Variants in AFF2 observed in about 807,000 individuals in gnomAD.
AFF2 encodes ALF transcription elongation factor 2.
A neutral mutation model predicts 76.9 loss-of-function variants in AFF2; 14 were observed. The ratio of observed to expected loss-of-function variants is 0.18; its 90% CI spans 0.12 to 0.28. The LOEUF is 0.28. AFF2 is among the 10% of genes least tolerant of loss of function. The pLI is 1.00. For synonymous variants in AFF2, 398 were observed against 366.7 expected (o/e 1.09, Z -0.98); for missense variants, 868 against 1,001.1 (o/e 0.87, Z 1.79).
At chrX:148,714,344 T>A (rs1215798138) in intron 3 of AFF2, among the ~76,000 whole-genome samples, 8 of 112,036 alleles carry the variant, frequency 7.1e-5, no homozygotes, top group Non-Finnish European at 1.5e-4. Context: ...TACTCCCTAA[T>A]TAATTAAAAT....
intron 1 of AFF2, among the ~76,000 whole-genome samples, chrX:148,534,857 T>C (rs782010149): frequency 8.9e-6 from 1 of 112,203 alleles, no homozygotes; most frequent in Non-Finnish European, 1.9e-5. Flanking sequence ...TTTGTCCATG[T>C]AGTTTTGTTT....
chrX:148,981,498 C>T (rs1557290860), intron 19 of AFF2, among the ~76,000 whole-genome samples: 1 of 111,074 alleles, frequency 9.0e-6, no homozygotes, highest in Non-Finnish European at 1.9e-5. Flanking sequence ...AGGGGTTGGA[C>T]CCAATGCCCT....
At chrX:148,762,252 C>T (rs1462820391) in intron 3 of AFF2, among the ~76,000 whole-genome samples, 1 of 109,414 alleles carries the variant, frequency 9.1e-6, no homozygotes, top group Non-Finnish European at 1.9e-5. Context: ...TATGCCTTTG[C>T]ATCCTCGTAG....
At chrX:148,944,382 G>A (rs2071875249) in intron 9 of AFF2, among the ~76,000 whole-genome samples, 1 of 111,579 alleles carries the variant, frequency 9.0e-6, no homozygotes, top group Non-Finnish European at 1.9e-5. Context: ...GCCCTTTCTG[G>A]GTTTCTTGTG....
chrX:148,743,278 G>T (rs782000109), intron 3 of AFF2, among the ~76,000 whole-genome samples: 8 of 111,974 alleles, frequency 7.1e-5, no homozygotes, highest in Non-Finnish European at 1.5e-4. Context: ...TGTCAAGCAG[G>T]TATAATTCCA....
intron 8 of AFF2, among the ~76,000 whole-genome samples, chrX:148,892,221 A>C (rs2071231430): frequency 8.9e-6 from 1 of 111,902 alleles, no homozygotes; most frequent in African/African-American, 3.2e-5. Context: ...TAATTACTGG[A>C]GATGTATGGA....
chrX:148,684,286 A>G (rs1323778529), intron 3 of AFF2, among the ~76,000 whole-genome samples: 3 of 112,050 alleles, frequency 2.7e-5, no homozygotes, highest in African/African-American at 9.7e-5. Context: ...AGAGGCTTTC[A>G]AATTAGAAAT....
At position 148,996,736 on chromosome X, in the gene AFF2, T is replaced by C. The variant is rs1193909422; in HGVS notation, c.*5404T>C. 4.5e-5 allele frequency: 5 copies of C among 112,201 alleles called. No homozygotes were observed. The highest frequency in any genetic ancestry group is 1.3e-4 in the African/African-American group (4 of 30,842). The allele number at this position is 112,201 out of a possible 1,213,427, so 9.2% of individuals were successfully genotyped here. On this transcript the variant is annotated 3_prime_UTR_variant, in exon 21 of 21. Transcript: ENST00000370460. ...AGAATAGCTGAGAAGAATGAAGCCC[T>C]CCTGAGCTGAAAGGAGAGATGGATC... is the stretch of plus-strand genomic sequence containing the variant.
At chrX:148,906,423 C>T (rs1474829086) in intron 9 of AFF2, among the ~76,000 whole-genome samples, 3 of 111,494 alleles carry the variant, frequency 2.7e-5, no homozygotes, top group Admixed American at 9.5e-5. Context: ...TTTCCCAGGC[C>T]GACTAAGAAT....
intron 1 of AFF2, among the ~76,000 whole-genome samples, chrX:148,532,136 A>T (rs2052737245): frequency 8.9e-6 from 1 of 111,832 alleles, no homozygotes; most frequent in Non-Finnish European, 1.9e-5. Flanking sequence ...TGACTCACAA[A>T]ACATATTGTT....
chrX:148,897,100 A>G (rs1557280372), intron 8 of AFF2, among the ~76,000 whole-genome samples: 1 of 100,877 alleles, frequency 9.9e-6, no homozygotes, highest in Non-Finnish European at 2.0e-5. Context: ...ATTGCATACT[A>G]CAGACTTTAT....
intron 4 of AFF2, among the ~76,000 whole-genome samples, chrX:148,832,132 T>C (rs1557273397): frequency 1.8e-5 from 2 of 110,486 alleles, no homozygotes; most frequent in Non-Finnish European, 3.8e-5. Flanking sequence ...ACACTATCTG[T>C]AAAGCAAAAC....
At chrX:148,552,056 T>C (rs2053000145) in intron 1 of AFF2, among the ~76,000 whole-genome samples, 1 of 112,751 alleles carries the variant, frequency 8.9e-6, no homozygotes, top group East Asian at 2.8e-4. Flanking sequence ...AAGCACTGTC[T>C]TTACTACTCT....
chrX:148,569,662 C>T (rs1340713718), intron 1 of AFF2, among the ~76,000 whole-genome samples: 2 of 111,054 alleles, frequency 1.8e-5, no homozygotes, highest in Non-Finnish European at 3.8e-5. Context: ...TGTGTTTGAC[C>T]TCTAGAGCTG....
At chrX:148,945,378 C>A (rs182606592) in intron 9 of AFF2, among the ~76,000 whole-genome samples, 1 of 112,173 alleles carries the variant, frequency 8.9e-6, no homozygotes, top group African/African-American at 3.2e-5. Context: ...TAAAGGAGGA[C>A]AGAATAATTA....
At chrX:148,674,465 A>G (rs782037031) in intron 3 of AFF2, among the ~76,000 whole-genome samples, 1 of 112,035 alleles carries the variant, frequency 8.9e-6, no homozygotes, top group Non-Finnish European at 1.9e-5. Context: ...AGAGGTATCT[A>G]TAGTCAAGGA....
chrX:148,709,751 T>C (rs1311938879), intron 3 of AFF2, among the ~76,000 whole-genome samples: 1 of 111,871 alleles, frequency 8.9e-6, no homozygotes, highest in East Asian at 2.8e-4. Flanking sequence ...CTGGATTGAA[T>C]GCTTATTCCA....
intron 7 of AFF2, among the ~76,000 whole-genome samples, chrX:148,873,280 C>CTCTCGTGTCATGGTTT (rs1271441059): frequency 9.1e-6 from 1 of 110,319 alleles, no homozygotes; most frequent in Non-Finnish European, 1.9e-5. Flanking sequence ...GCTATCTAAC[C>CTCTCGTGTCATGGTTT]TCTCGTGTCA....
chrX:148,696,633 G>GA (rs1475193300), intron 3 of AFF2, among the ~76,000 whole-genome samples: 4 of 110,863 alleles, frequency 3.6e-5, no homozygotes, highest in African/African-American at 9.8e-5. Flanking sequence ...AAGGGAAATG[G>GA]AAAAAATGGC....
Sources: allele counts gnomAD v4.1 joint callset (sites outside exome capture counted in the v4.1 genomes callset), GRCh38; gene constraint gnomAD v4.1.1; transcripts MANE v1.5; gene names NCBI Gene and HGNC (gene_info 2026-07-23, HGNC 2026-07-21).